Variants in ACSL3 observed in about 807,000 individuals in gnomAD.
The protein encoded by ACSL3 is acyl-CoA synthetase long chain family member 3, also known as fatty acid CoA ligase Acsl3.
A neutral mutation model predicts 84.7 loss-of-function variants in ACSL3; 34 were observed. That is an observed-to-expected ratio of 0.40 (90% CI 0.31 to 0.53). The LOEUF is 0.53. Among genes scored for constraint, ACSL3 ranks in the 20% least tolerant of loss-of-function variants. ACSL3 has a pLI of 0.48. For missense variants in ACSL3, 680 were observed against 873.1 expected (o/e 0.78, Z 2.79); for synonymous variants, 315 against 299.4 (o/e 1.05, Z -0.54).
At chr2:222,891,459 GTGTATC>G (rs895696054) in intron 2 of ACSL3, among the ~76,000 whole-genome samples, 1 of 152,120 alleles carries the variant, frequency 6.6e-6, no homozygotes, top group Admixed American at 6.5e-5. Flanking sequence ...AATCCCTGTT[GTGTATC>G]TAACTGAAAA....
chr2:222,908,735 T>G lies in ACSL3; in HGVS notation c.-38T>G, dbSNP rs1406950316. The G allele has an allele frequency of 1.3e-6, 2 of 1,537,392 alleles. No homozygotes were observed. The highest frequency in any genetic ancestry group is 1.7e-6 in the Non-Finnish European group (2 of 1,149,300). Reference sequence around the variant, plus strand: ...GCCTTTCTTTTTCTTCCTCCTAGATTCTCGCTGAAGTCTGTTAATTCTACT... The same window carrying G: ...GCCTTTCTTTTTCTTCCTCCTAGATGCTCGCTGAAGTCTGTTAATTCTACT... On this transcript the variant is annotated splice_region_variant and 5_prime_UTR_variant, in exon 4 of 17. It adds an upstream start codon to the 5' untranslated region. Coordinates refer to ENST00000357430, the MANE Select transcript of ACSL3 (RefSeq NM_004457.5).
chr2:222,909,038 A>G lies in ACSL3; in HGVS notation c.266A>G (p.Asp89Gly), dbSNP rs1448462141. 6.2e-7 allele frequency: 1 copy of G among 1,613,510 alleles called. No homozygotes were observed. Among genetic ancestry groups the G allele is most frequent in the Non-Finnish European group, 8.5e-7 (1 of 1,179,828 alleles). ...TTATACCCTGGATGTGATACTTTAG[A>G]TAAAGTTTTTACATATGCAAAAAAC... ...SVLYPGCDTL[D>G]KVFTYAKNKF... Residue 89 changes from aspartate (D) to glycine (G), a missense_variant, in exon 4 of 17, where the codon GAT (aspartate) becomes GGT (glycine). Asp to Gly is a moderately conservative substitution (Grantham distance 94, BLOSUM62 -1). Transcript: ENST00000357430.
intron 1 of ACSL3, among the ~76,000 whole-genome samples, chr2:222,870,618 T>G (rs542500680): frequency 1.3e-5 from 2 of 152,262 alleles, no homozygotes; most frequent in African/African-American, 4.8e-5. Context: ...TGCTAAGAGA[T>G]AACTAGGCTT....
At position 222,941,597 on chromosome 2, in the gene ACSL3, CAA is replaced by C; in HGVS notation, c.2108_2109del (p.Lys703ArgfsTer3). 1 of 1,613,340 alleles carries C rather than the reference CAA, an allele frequency of 6.2e-7. No homozygotes were observed. Among genetic ancestry groups the C allele is most frequent in the Non-Finnish European group, 8.5e-7 (1 of 1,179,768 alleles). ...LVTDAFKLKR[K>X]ELKTHYQADI... ...TGACAGATGCCTTCAAGCTGAAACG[CAA>C]AGAGCTTAAAACACATTACCAGGCG... On this transcript the variant is annotated frameshift_variant, in exon 17 of 17. Transcript: ENST00000357430. LOFTEE classifies it high-confidence loss of function.
chr2:222,895,155 A>G (rs1326906634), intron 2 of ACSL3, among the ~76,000 whole-genome samples: 1 of 151,898 alleles, frequency 6.6e-6, no homozygotes, highest in Non-Finnish European at 1.5e-5. Context: ...TCATTCTGCC[A>G]CTCTCCTAGA....
rs916637154 is a variant in ACSL3 at position 222,870,943 on chromosome 2, C to T, written c.-207+9685C>T. Among the ~76,000 whole-genome samples the T allele has an allele frequency of 3.9e-5, 6 of 152,028 alleles. No individual in the cohort carries two copies. In the East Asian group the frequency reaches 5.8e-4, roughly 15 times the overall value. On this transcript the variant is annotated intron_variant, in intron 1 of 16. Coordinates refer to ENST00000357430, the MANE Select transcript of ACSL3 (RefSeq NM_004457.5). ...AATACGGGTTATAAGGGAGTGGCAACGTCACACTGGCAACATGAATGAAGG... is the reference window on the plus strand; with the variant it reads ...AATACGGGTTATAAGGGAGTGGCAATGTCACACTGGCAACATGAATGAAGG...
At chr2:222,883,132 A>G (rs557930697) in intron 1 of ACSL3, among the ~76,000 whole-genome samples, 12 of 146,776 alleles carry the variant, frequency 8.2e-5, no homozygotes, top group African/African-American at 3.0e-4. Context: ...TTGATCAGTT[A>G]TAGAATCACC....
chr2:222,870,997 A>T (rs1192616805), intron 1 of ACSL3, among the ~76,000 whole-genome samples: 2 of 152,066 alleles, frequency 1.3e-5, no homozygotes, highest in Non-Finnish European at 2.9e-5. Context: ...GGGAGAGGGG[A>T]CTAGAGACAG....
chr2:222,906,998 G>T (rs9646876), intron 3 of ACSL3, among the ~76,000 whole-genome samples: 54 of 152,172 alleles, frequency 3.5e-4, no homozygotes, highest in Non-Finnish European at 6.2e-4. Context: ...ATTGCTAAGG[G>T]GCTCTGTGTT....
chr2:222,895,088 T>C (rs1481129747), intron 2 of ACSL3, among the ~76,000 whole-genome samples: 1 of 152,220 alleles, frequency 6.6e-6, no homozygotes, highest in Non-Finnish European at 1.5e-5. Flanking sequence ...GTTCTAACAC[T>C]GTGGTCTTAT....
At chr2:222,914,940 C>T (rs1009410954) in intron 4 of ACSL3, among the ~76,000 whole-genome samples, 12 of 152,170 alleles carry the variant, frequency 7.9e-5, no homozygotes, top group Admixed American at 1.3e-4. Context: ...GGAAATCTTA[C>T]GCTCATTTGA....
At chr2:222,882,810 C>G (rs1257401973) in intron 1 of ACSL3, among the ~76,000 whole-genome samples, 1 of 148,044 alleles carries the variant, frequency 6.8e-6, no homozygotes, top group East Asian at 2.0e-4. Flanking sequence ...GTCGCCCAGG[C>G]TGGCTGGAGT....
At chr2:222,933,957 C>T (rs763712492) in intron 15 of ACSL3, among the ~76,000 whole-genome samples, 2 of 152,140 alleles carry the variant, frequency 1.3e-5, no homozygotes, top group Non-Finnish European at 2.9e-5. Flanking sequence ...TGATACAGAT[C>T]TGGATTTATT....
chr2:222,936,078 T>C (rs1395736115), intron 16 of ACSL3, among the ~76,000 whole-genome samples: 1 of 152,206 alleles, frequency 6.6e-6, no homozygotes, highest in Admixed American at 6.5e-5. Flanking sequence ...TTGTACCATG[T>C]GATAGGATTT....
chr2:222,872,956 G>A (rs1266910529), intron 1 of ACSL3, among the ~76,000 whole-genome samples: 3 of 152,126 alleles, frequency 2.0e-5, no homozygotes, highest in Non-Finnish European at 4.4e-5. Flanking sequence ...GCCACAGCAT[G>A]CATGAGACAG....
chr2:222,898,599 C>T (rs1476961550), intron 2 of ACSL3, among the ~76,000 whole-genome samples: 11 of 152,122 alleles, frequency 7.2e-5, no homozygotes, highest in African/African-American at 1.4e-4. Context: ...CCGAGGCGGG[C>T]GGATCACGAG....
intron 4 of ACSL3, among the ~76,000 whole-genome samples, chr2:222,913,997 A>G (rs1251279500): frequency 6.6e-6 from 1 of 152,180 alleles, no homozygotes; most frequent in African/African-American, 2.4e-5. Context: ...GATCTCTTGA[A>G]TATTTTTACT....
At chr2:222,914,470 C>T (rs1239070599) in intron 4 of ACSL3, among the ~76,000 whole-genome samples, 9 of 152,074 alleles carry the variant, frequency 5.9e-5, no homozygotes, top group Non-Finnish European at 1.2e-4. Context: ...CTGTGTTGCC[C>T]AGGCTGGTCT....
intron 11 of ACSL3, among the ~76,000 whole-genome samples, chr2:222,926,765 A>G (rs932694869): frequency 6.6e-6 from 1 of 152,198 alleles, no homozygotes; most frequent in African/African-American, 2.4e-5. Context: ...TCACTATACA[A>G]AACTAAACCT....
Sources: allele counts gnomAD v4.1 joint callset (sites outside exome capture counted in the v4.1 genomes callset), GRCh38; gene constraint gnomAD v4.1.1; transcripts MANE v1.5; gene names NCBI Gene and HGNC (gene_info 2026-07-23, HGNC 2026-07-21).